CYFIP2: variants seen among roughly 807,000 people sequenced by gnomAD.
The protein encoded by CYFIP2 is cytoplasmic FMR1 interacting protein 2, also known as cytoplasmic FMR1-interacting protein 2.
Under a neutral mutation model 158.7 loss-of-function variants are expected in CYFIP2, and 29 were observed. The ratio of observed to expected loss-of-function variants is 0.18; its 90% CI spans 0.14 to 0.25. The LOEUF is 0.25. Among genes scored for constraint, CYFIP2 ranks in the 10% least tolerant of loss-of-function variants. The pLI is 1.00. For missense variants in CYFIP2, 852 were observed against 1,639.5 expected, an observed-to-expected ratio of 0.52 and a Z score of 8.29; for synonymous variants, 585 against 617.6, an observed-to-expected ratio of 0.95 and a Z score of 0.78.
chr5:157,346,032 C>G (rs1448025193), intron 23 of CYFIP2, among the ~76,000 whole-genome samples: 2 of 151,608 alleles, frequency 1.3e-5, no homozygotes, highest in Non-Finnish European at 2.9e-5. Flanking sequence ...CCCTACACTT[C>G]CCCATCCCAA....
intron 13 of CYFIP2, among the ~76,000 whole-genome samples, 191 bp from the exon 14 acceptor site, chr5:157,319,571 G>A (rs375348436): frequency 1.4e-4 from 21 of 152,276 alleles, no homozygotes; most frequent in African/African-American, 5.1e-4. Context: ...CTCAATGAAT[G>A]AAGCCAAGTG....
At chr5:157,319,972 G>T (rs776609561) in intron 14 of CYFIP2, 44 bp downstream of exon 14, 2 of 1,599,460 alleles carry the variant, frequency 1.3e-6, no homozygotes, top group Admixed American at 3.4e-5. Flanking sequence ...ACATAAGCAT[G>T]CCAGGTACCC....
At chr5:157,333,740 G>A (rs941046424) in intron 21 of CYFIP2, among the ~76,000 whole-genome samples, 3 of 152,170 alleles carry the variant, frequency 2.0e-5, no homozygotes, top group African/African-American at 7.2e-5. Context: ...GTAGGTGAGG[G>A]GTCCTAAGAA....
intron 6 of CYFIP2, among the ~76,000 whole-genome samples, chr5:157,301,484 A>T (rs190045455): frequency 3.3e-5 from 5 of 152,296 alleles, no homozygotes; most frequent in Admixed American, 3.3e-4. Flanking sequence ...TCTCCTTCCA[A>T]ATACTTTCAT....
rs112326512 is a variant in CYFIP2 at position 157,368,010 on chromosome 5, G to A, written c.3039+6412G>A. ...TGACCTCAAGTGATCTGCCCACCTC[G>A]GCCTCCCGAAGTGCTGGGATTACAG... is the stretch of plus-strand genomic sequence containing the variant. On this transcript the variant is annotated intron_variant, in intron 26 of 30. Coordinates refer to ENST00000620254, the MANE Select transcript of CYFIP2 (RefSeq NM_001037333.3). Among the ~76,000 whole-genome samples, 207 of 151,924 alleles carry A rather than the reference G, an allele frequency of 1.4e-3. 1 individual carries two copies. Among genetic ancestry groups the A allele is most frequent in the African/African-American group, 4.6e-3 (189 of 41,434 alleles).
intron 26 of CYFIP2, among the ~76,000 whole-genome samples, chr5:157,381,496 C>G (rs1454119503): frequency 2.0e-5 from 3 of 146,524 alleles, no homozygotes; most frequent in African/African-American, 7.6e-5. Context: ...CCACTGCACT[C>G]CAGCCTGGGC....
intron 23 of CYFIP2, among the ~76,000 whole-genome samples, chr5:157,351,546 G>A (rs559408564): frequency 5.3e-5 from 8 of 152,196 alleles, no homozygotes; most frequent in South Asian, 4.1e-4. Flanking sequence ...CCTTGAGATC[G>A]GCCTTCTTAT....
At chr5:157,377,390 C>T (rs911930997) in intron 26 of CYFIP2, among the ~76,000 whole-genome samples, 1 of 152,050 alleles carries the variant, frequency 6.6e-6, no homozygotes, top group African/African-American at 2.4e-5. Context: ...ACTGTTCCCC[C>T]TTAGCTGTCC....
intron 23 of CYFIP2, among the ~76,000 whole-genome samples, chr5:157,357,745 T>TG (rs1763508909): frequency 1.3e-5 from 2 of 151,960 alleles, no homozygotes; most frequent in South Asian, 4.2e-4. Context: ...GCAGGAGAAT[T>TG]GCTTGAACCC....
At chr5:157,273,454 G>T (rs747193167) in intron 1 of CYFIP2, among the ~76,000 whole-genome samples, 1 of 152,094 alleles carries the variant, frequency 6.6e-6, no homozygotes, top group Admixed American at 6.5e-5. Context: ...CCAGGGTGGG[G>T]CAGCCCCAGG....
chr5:157,375,135 T>C (rs999890969), intron 26 of CYFIP2, among the ~76,000 whole-genome samples: 2 of 152,300 alleles, frequency 1.3e-5, no homozygotes, highest in South Asian at 2.1e-4. Context: ...ATAAGACTTA[T>C]GAAGTAGAAC....
At chr5:157,309,113 C>T (rs1156595922) in intron 9 of CYFIP2, among the ~76,000 whole-genome samples, 1 of 152,120 alleles carries the variant, frequency 6.6e-6, no homozygotes, top group East Asian at 1.9e-4. Flanking sequence ...AGCTTCAGTT[C>T]TTCTTCTCTG....
intron 21 of CYFIP2, among the ~76,000 whole-genome samples, chr5:157,336,896 A>G (rs1761894193): frequency 6.6e-6 from 1 of 152,184 alleles, no homozygotes; most frequent in Non-Finnish European, 1.5e-5. Context: ...TTGCAGAAAT[A>G]TCGTCTGGGT....
chr5:157,309,229 A>C (rs558839136), intron 9 of CYFIP2, among the ~76,000 whole-genome samples: 1 of 152,304 alleles, frequency 6.6e-6, no homozygotes, highest in South Asian at 2.1e-4. Flanking sequence ...GCACATAATA[A>C]ATACCAGCCT....
At chr5:157,276,902 T>G (rs1756589786) in intron 1 of CYFIP2, among the ~76,000 whole-genome samples, 2 of 152,206 alleles carry the variant, frequency 1.3e-5, no homozygotes. Context: ...GATATAAAGC[T>G]TCCTTCTAAA....
At chr5:157,314,930 T>G in intron 12 of CYFIP2, 39 bp from the exon 13 acceptor site, 1 of 1,485,590 alleles carries the variant, frequency 6.7e-7, no homozygotes. Flanking sequence ...TGTCCGTTCA[T>G]CAGTTGATGG....
At chr5:157,386,153 A>T (rs1410178590) in intron 28 of CYFIP2, among the ~76,000 whole-genome samples, 1 of 152,214 alleles carries the variant, frequency 6.6e-6, no homozygotes, top group Non-Finnish European at 1.5e-5. Flanking sequence ...TGCACATTCA[A>T]AGAATGAGGT....
In CYFIP2 at chr5:157,393,917, G is replaced by C. The variant is rs1767548316; in HGVS notation, c.*917G>C. 1 of 152,170 alleles carries C rather than the reference G, an allele frequency of 6.6e-6. No individual in the cohort carries two copies. 9.4% of individuals were successfully genotyped at this position (152,170 alleles called of 1,614,324 possible). ...TGCTTATCAAGGAACATTTCCACAA[G>C]AAAGAAAATATTAAGGGGTTATTTC... On this transcript the variant is annotated 3_prime_UTR_variant, in exon 31 of 31. Coordinates refer to ENST00000620254, the MANE Select transcript of CYFIP2 (RefSeq NM_001037333.3).
chr5:157,381,822 A>G (rs1266377781), intron 26 of CYFIP2, among the ~76,000 whole-genome samples: 1 of 150,760 alleles, frequency 6.6e-6, no homozygotes, highest in Non-Finnish European at 1.5e-5. Context: ...CAGAGTTTGA[A>G]ATGGAGCCTG....
Sources: allele counts gnomAD v4.1 joint callset (sites outside exome capture counted in the v4.1 genomes callset), GRCh38; gene constraint gnomAD v4.1.1; transcripts MANE v1.5; gene names NCBI Gene and HGNC (gene_info 2026-07-23, HGNC 2026-07-21).